Variants in SPOCK3 observed in about 807,000 individuals in gnomAD.
SPOCK3 encodes testican-3.
A neutral mutation model predicts 56.6 loss-of-function variants in SPOCK3; 30 were observed. The ratio of observed to expected loss-of-function variants is 0.53; its 90% CI spans 0.40 to 0.72. The LOEUF (loss-of-function observed/expected upper bound fraction) is 0.72, where lower values mean the gene tolerates loss of function less well. Ranked by LOEUF, SPOCK3 falls within the 30% of genes least tolerant of loss-of-function variation. The probability of loss-of-function intolerance (pLI) is 0.00; values close to 1 mark genes in which losing one functional copy is unlikely to be tolerated. For synonymous variants in SPOCK3, 196 were observed against 183.3 expected, an observed-to-expected ratio of 1.07 and a Z score of -0.56; for missense variants, 527 against 530.0, an observed-to-expected ratio of 0.99 and a Z score of 0.06.
chr4:167,102,954 CCTT>C (rs1266837927), intron 2 of SPOCK3, among the ~76,000 whole-genome samples: 1 of 149,016 alleles, frequency 6.7e-6, no homozygotes, highest in Non-Finnish European at 1.5e-5. Flanking sequence ...AAAAGTCACT[CCTT>C]CTTTCTGCTT....
At chr4:167,084,593 C>G (rs576641292) in intron 2 of SPOCK3, among the ~76,000 whole-genome samples, 1 of 152,164 alleles carries the variant, frequency 6.6e-6, no homozygotes, top group South Asian at 2.1e-4. Flanking sequence ...ATGACTAGTA[C>G]TGCCTTCGGT....
At chr4:167,126,039 T>C (rs1031129643) in intron 2 of SPOCK3, among the ~76,000 whole-genome samples, 3 of 152,292 alleles carry the variant, frequency 2.0e-5, no homozygotes, top group African/African-American at 7.2e-5. Context: ...AAAATACACC[T>C]AACCACAACA....
At chr4:167,024,900 A>G (rs1308014403) in intron 3 of SPOCK3, among the ~76,000 whole-genome samples, 3 of 152,010 alleles carry the variant, frequency 2.0e-5, no homozygotes, top group Non-Finnish European at 1.5e-5. Context: ...AAAATATTGT[A>G]TTTACTAATA....
chr4:166,820,713 A>G (rs1744841337), intron 6 of SPOCK3, among the ~76,000 whole-genome samples: 1 of 151,978 alleles, frequency 6.6e-6, no homozygotes, highest in African/African-American at 2.4e-5. Flanking sequence ...GGTTCCAGGT[A>G]CTTGGGAGGC....
At chr4:166,804,675 T>C (rs2126701999) in intron 6 of SPOCK3, among the ~76,000 whole-genome samples, 1 of 152,290 alleles carries the variant, frequency 6.6e-6, no homozygotes, top group African/African-American at 2.4e-5. Context: ...TTACATTTCC[T>C]TGACAATAAT....
intron 4 of SPOCK3, among the ~76,000 whole-genome samples, chr4:166,940,081 T>C (rs1431050102): frequency 6.6e-6 from 1 of 152,158 alleles, no homozygotes; most frequent in African/African-American, 2.4e-5. Flanking sequence ...GACATGAACA[T>C]GCAATGACCA....
At chr4:166,878,880 C>G (rs1029082627) in intron 6 of SPOCK3, among the ~76,000 whole-genome samples, 6 of 152,090 alleles carry the variant, frequency 3.9e-5, no homozygotes, top group Non-Finnish European at 7.4e-5. Flanking sequence ...AGCAAGGATA[C>G]AAATAGCATC....
At chr4:167,171,482 A>T (rs1201305753) in intron 2 of SPOCK3, among the ~76,000 whole-genome samples, 2 of 152,212 alleles carry the variant, frequency 1.3e-5, no homozygotes, top group African/African-American at 4.8e-5. Flanking sequence ...TCATGCTAAT[A>T]ATCAATTGCT....
At chr4:167,125,865 C>G (rs930562250) in intron 2 of SPOCK3, among the ~76,000 whole-genome samples, 5 of 152,130 alleles carry the variant, frequency 3.3e-5, no homozygotes, top group African/African-American at 1.2e-4. Context: ...ATCTTGGCTT[C>G]ATTTCATGTT....
chr4:167,173,174 C>G (rs997630693), intron 2 of SPOCK3, among the ~76,000 whole-genome samples: 1 of 152,070 alleles, frequency 6.6e-6, no homozygotes, highest in Non-Finnish European at 1.5e-5. Flanking sequence ...AAATGGATAC[C>G]CGTAAGCACT....
At chr4:167,196,427 T>C (rs1360978402) in intron 2 of SPOCK3, among the ~76,000 whole-genome samples, 1 of 151,254 alleles carries the variant, frequency 6.6e-6, no homozygotes, top group African/African-American at 2.4e-5. Flanking sequence ...GTCAGTAGTC[T>C]GGACACAAAC....
intron 2 of SPOCK3, among the ~76,000 whole-genome samples, chr4:167,068,021 C>A (rs189967499): frequency 6.6e-6 from 1 of 151,620 alleles, no homozygotes; most frequent in Admixed American, 6.6e-5. Context: ...AATGAGTGAT[C>A]TTGTTCACAT....
chr4:167,176,631 G>A (rs1731008984), intron 2 of SPOCK3, among the ~76,000 whole-genome samples: 1 of 151,496 alleles, frequency 6.6e-6, no homozygotes, highest in African/African-American at 2.4e-5. Flanking sequence ...TCAGTTCTTG[G>A]GTATCAATTC....
chr4:167,023,759 T>C lies in SPOCK3; in HGVS notation c.236-23296A>G, dbSNP rs193136852. ...GGTGAGACTACTGGGACTTTGTATGTTTCCCACGTGGAGAAATGGGCTAGA... is the reference window on the plus strand; with the variant it reads ...GGTGAGACTACTGGGACTTTGTATGCTTCCCACGTGGAGAAATGGGCTAGA... On this transcript the variant is annotated intron_variant, in intron 3 of 10. Transcript: ENST00000357545. 2.6e-5 allele frequency among the ~76,000 whole-genome samples: 4 copies of C among 152,162 alleles called. No individual in the cohort carries two copies. In the East Asian group the frequency reaches 7.8e-4, roughly 30 times the overall value.
At chr4:167,041,784 G>T (rs1200551251) in intron 3 of SPOCK3, among the ~76,000 whole-genome samples, 2 of 152,008 alleles carry the variant, frequency 1.3e-5, no homozygotes, top group South Asian at 2.1e-4. Flanking sequence ...AATGGTAAGT[G>T]CTTAAAGTGA....
At chr4:166,961,028 T>C (rs1319322494) in intron 4 of SPOCK3, among the ~76,000 whole-genome samples, 2 of 152,196 alleles carry the variant, frequency 1.3e-5, no homozygotes, top group Non-Finnish European at 2.9e-5. Context: ...GAGTTTTACA[T>C]TTATTGAACT....
Position 167,080,979 on chromosome 4 carries a change from C to T in SPOCK3, c.190-18442G>A, listed in dbSNP as rs572945685. Among the ~76,000 whole-genome samples the T allele has an allele frequency of 2.4e-4, 35 of 148,726 alleles. 1 individual carries two copies. The South Asian group carries it at 2.5e-3, about 11-fold the overall frequency. On this transcript the variant is annotated intron_variant, in intron 2 of 10. Coordinates refer to ENST00000357545, the MANE Select transcript of SPOCK3 (RefSeq NM_001040159.2). ...CACTGCAACCTCCTCCTCCTGGGTT[C>T]AAGTGATTCTCCTACCTCAGCCTCC... is the stretch of plus-strand genomic sequence containing the variant.
At chr4:166,827,390 C>G (rs1023375932) in intron 6 of SPOCK3, among the ~76,000 whole-genome samples, 1 of 152,088 alleles carries the variant, frequency 6.6e-6, no homozygotes, top group Admixed American at 6.6e-5. Context: ...GCTGGGAACA[C>G]TGCCTGGCAT....
At chr4:166,925,683 T>C (rs540343546) in intron 4 of SPOCK3, among the ~76,000 whole-genome samples, 39 of 152,154 alleles carry the variant, frequency 2.6e-4, no homozygotes, top group African/African-American at 9.1e-4. Flanking sequence ...TAAATTTTTT[T>C]TTTTAAATAT....
Sources: gnomAD v4.1 joint callset for allele counts (sites outside exome capture counted in the v4.1 genomes callset) on GRCh38, gnomAD v4.1.1 for gene constraint, MANE v1.5 for transcripts, NCBI Gene and HGNC (gene_info 2026-07-23, HGNC 2026-07-21) for gene names.